The following MYO10 variants were observed in gnomAD, a reference collection of about 807,000 sequenced individuals.
The protein encoded by MYO10 is myosin X.
MYO10 carries 133 observed loss-of-function variants against 257.3 expected under a neutral mutation model. That is an observed-to-expected ratio of 0.52 (90% CI 0.45 to 0.60). The LOEUF (loss-of-function observed/expected upper bound fraction) is 0.60, where lower values mean the gene tolerates loss of function less well. MYO10 is among the 20% of genes least tolerant of loss of function. The pLI, the probability that MYO10 is intolerant of heterozygous loss-of-function variation, is 0.00. For synonymous variants in MYO10, 1,104 were observed against 1,028.6 expected (o/e 1.07, Z -1.40); for missense variants, 2,399 against 2,635.7 (o/e 0.91, Z 1.97).
chr5:16,929,731 C>G (rs1449833929), intron 1 of MYO10, among the ~76,000 whole-genome samples: 1 of 152,160 alleles, frequency 6.6e-6, no homozygotes, highest in African/African-American at 2.4e-5. Flanking sequence ...GTTCCAAGAC[C>G]TTCCCCAGAT....
chr5:16,667,453 G>C (rs552644111), intron 40 of MYO10, among the ~76,000 whole-genome samples: 1 of 152,244 alleles, frequency 6.6e-6, no homozygotes, highest in African/African-American at 2.4e-5. Context: ...TCCCACCCCA[G>C]AGATCACTGT....
At chr5:16,742,228 T>G (rs1266513712) in intron 19 of MYO10, 1 of 985,314 alleles carries the variant, frequency 1.0e-6, no homozygotes, top group Admixed American at 6.1e-5. Flanking sequence ...CACTCTTTGC[T>G]GGTGCTGAGC....
intron 11 of MYO10, among the ~76,000 whole-genome samples, chr5:16,765,690 ATT>A (rs1740842444): frequency 6.6e-6 from 1 of 152,166 alleles, no homozygotes; most frequent in African/African-American, 2.4e-5. Flanking sequence ...CTCAGCATAT[ATT>A]TGTTATTTTT....
intron 4 of MYO10, among the ~76,000 whole-genome samples, chr5:16,791,587 T>C (rs1014362753): frequency 4.5e-5 from 6 of 133,516 alleles, no homozygotes; most frequent in Non-Finnish European, 9.5e-5. Flanking sequence ...ATGATCTCAT[T>C]TGATGTTTCG....
chr5:16,679,252 G>C (rs1173085920), intron 33 of MYO10, among the ~76,000 whole-genome samples: 3 of 152,126 alleles, frequency 2.0e-5, no homozygotes, highest in East Asian at 1.9e-4. Context: ...GTTACTCCTA[G>C]AAGGTCTCCA....
At chr5:16,694,772 T>A (rs1737661425) in intron 26 of MYO10, among the ~76,000 whole-genome samples, 158 bp from the exon 27 acceptor site, 1 of 152,160 alleles carries the variant, frequency 6.6e-6, no homozygotes, top group Admixed American at 6.5e-5. Context: ...CACTGCTAGC[T>A]CATGTCTGGG....
At chr5:16,674,570 T>G (rs1042313430) in intron 35 of MYO10, among the ~76,000 whole-genome samples, 1 of 152,120 alleles carries the variant, frequency 6.6e-6, no homozygotes, top group Non-Finnish European at 1.5e-5. Flanking sequence ...CAAGTTTTTT[T>G]TTTTTTTTTT....
At position 16,702,538 on chromosome 5, in the gene MYO10, A is replaced by G. The variant is rs1738128984; in HGVS notation, c.2556+5T>C. On this transcript the variant is annotated splice_donor_5th_base_variant and intron_variant, in intron 24 of 40. Transcript: ENST00000513610. ...AAGAGGCTAAGTTGTCACTGCACTC[A>G]TTACCTGCTGGGCGCGGAGCTCGGC... The G allele has an allele frequency of 6.3e-7, 1 of 1,590,508 alleles. No homozygotes were observed. Among genetic ancestry groups the G allele is most frequent in the Non-Finnish European group, 8.6e-7 (1 of 1,167,710 alleles).
intron 2 of MYO10, among the ~76,000 whole-genome samples, chr5:16,830,235 C>CAA (rs534014625): frequency 5.9e-5 from 8 of 136,508 alleles, no homozygotes; most frequent in African/African-American, 1.1e-4. Flanking sequence ...GACTCCATCT[C>CAA]AAAAAAAAAA....
At chr5:16,915,818 G>A (rs958059474) in intron 1 of MYO10, among the ~76,000 whole-genome samples, 1 of 152,136 alleles carries the variant, frequency 6.6e-6, no homozygotes, top group Non-Finnish European at 1.5e-5. Flanking sequence ...TTAGCCGGGT[G>A]TGGTGGCATG....
At chr5:16,887,436 A>G (rs917566863) in intron 1 of MYO10, among the ~76,000 whole-genome samples, 2 of 152,222 alleles carry the variant, frequency 1.3e-5, no homozygotes, top group African/African-American at 4.8e-5. Context: ...TTCTGTAAAG[A>G]GTTTATTCCC....
At chr5:16,861,210 AT>A (rs67883503) in intron 2 of MYO10, among the ~76,000 whole-genome samples, 30,954 of 145,100 alleles carry the variant, frequency 0.21, 3,445 homozygotes, top group African/African-American at 0.27. Flanking sequence ...ACTAGGGAAC[AT>A]TTTTTTTTTT....
At chr5:16,907,461 A>T (rs1198177808) in intron 1 of MYO10, among the ~76,000 whole-genome samples, 1 of 152,168 alleles carries the variant, frequency 6.6e-6, no homozygotes, top group Admixed American at 6.5e-5. Flanking sequence ...AAGTCTGCTG[A>T]TCAACAGGTC....
At chr5:16,704,544 C>G in intron 22 of MYO10, 35 bp downstream of exon 22, 1 of 1,564,966 alleles carries the variant, frequency 6.4e-7, no homozygotes, top group Non-Finnish European at 8.8e-7. Context: ...CCTCATGGAG[C>G]TTCCTGCCTT....
chr5:16,718,031 G>A (rs1314527165), intron 19 of MYO10, among the ~76,000 whole-genome samples: 3 of 152,206 alleles, frequency 2.0e-5, no homozygotes, highest in African/African-American at 4.8e-5. Flanking sequence ...GGGCTTGGTG[G>A]GCCCCGCACT....
chr5:16,733,462 A>G (rs1391501707), intron 19 of MYO10, among the ~76,000 whole-genome samples: 3 of 152,186 alleles, frequency 2.0e-5, no homozygotes, highest in Non-Finnish European at 4.4e-5. Context: ...AAAAAGTCAC[A>G]TGGAGAATTT....
chr5:16,885,249 G>T (rs1320062144), intron 1 of MYO10, among the ~76,000 whole-genome samples: 2 of 151,472 alleles, frequency 1.3e-5, no homozygotes, highest in Non-Finnish European at 2.9e-5. Flanking sequence ...GAACCATGCA[G>T]ACACAGCCTG....
At chr5:16,835,923 T>C (rs1219612199) in intron 2 of MYO10, among the ~76,000 whole-genome samples, 2 of 152,116 alleles carry the variant, frequency 1.3e-5, no homozygotes, top group East Asian at 3.9e-4. Context: ...CCTACTCCTC[T>C]CAAATGTGTC....
At chr5:16,729,225 C>T (rs1739486681) in intron 19 of MYO10, among the ~76,000 whole-genome samples, 1 of 152,142 alleles carries the variant, frequency 6.6e-6, no homozygotes, top group African/African-American at 2.4e-5. Context: ...GCATGACGTA[C>T]TAAACTTTCT....
Sources: gnomAD v4.1 joint callset for allele counts (sites outside exome capture counted in the v4.1 genomes callset) on GRCh38, gnomAD v4.1.1 for gene constraint, MANE v1.5 for transcripts, NCBI Gene and HGNC (gene_info 2026-07-23, HGNC 2026-07-21) for gene names.